GFRAL: variants seen among roughly 807,000 people sequenced by gnomAD.
GFRAL encodes GDNF family receptor alpha like, also known as GDNF family receptor alpha-like.
A neutral mutation model predicts 45.4 loss-of-function variants in GFRAL; 36 were observed. The observed-to-expected ratio is 0.79, with a 90% CI of 0.61 to 1.05. The LOEUF is 1.05. GFRAL is among the 50% of genes least tolerant of loss of function. The pLI is 0.00. For synonymous variants in GFRAL, 166 were observed against 154.1 expected (o/e 1.08, Z -0.57); for missense variants, 507 against 467.5 (o/e 1.08, Z -0.78).
intron 3 of GFRAL, among the ~76,000 whole-genome samples, chr6:55,346,884 A>C (rs1295072343): frequency 7.0e-6 from 1 of 142,752 alleles, no homozygotes; most frequent in African/African-American, 2.5e-5. Flanking sequence ...GAAAAATATC[A>C]CCAAAAGAAA....
intron 6 of GFRAL, among the ~76,000 whole-genome samples, chr6:55,376,254 G>A (rs992075947): frequency 6.6e-6 from 1 of 152,010 alleles, no homozygotes; most frequent in Non-Finnish European, 1.5e-5. Flanking sequence ...GCTGGATTCG[G>A]TTTGCCAATA....
At chr6:55,376,938 G>A (rs1431894775) in intron 6 of GFRAL, among the ~76,000 whole-genome samples, 1 of 151,880 alleles carries the variant, frequency 6.6e-6, no homozygotes, top group Non-Finnish European at 1.5e-5. Context: ...GGACCTACAA[G>A]TAGTCGGCTT....
chr6:55,397,447 A>G (rs968701733), intron 6 of GFRAL, among the ~76,000 whole-genome samples: 1 of 135,986 alleles, frequency 7.4e-6, no homozygotes, highest in Non-Finnish European at 1.5e-5. Flanking sequence ...GAACCCGGGA[A>G]GCGGAGCTTG....
At chr6:55,398,659 T>C (rs79124494) in intron 6 of GFRAL, among the ~76,000 whole-genome samples, 6,546 of 152,218 alleles carry the variant, frequency 0.043, 205 homozygotes, top group African/African-American at 0.074. Context: ...CTCAGAAACA[T>C]GGCCAAGAAG....
Position 55,365,678 on chromosome 6 carries a change from T to G in GFRAL, c.952+6540T>G, listed in dbSNP as rs1438770377. On this transcript the variant is annotated intron_variant, in intron 6 of 8. Coordinates refer to ENST00000340465, the MANE Select transcript of GFRAL (RefSeq NM_207410.2). ...TTGTTGAATTTTGTCAAAGGCTTTT[T>G]CTGCATCTATTGAGATAATCATGTG... Among the ~76,000 whole-genome samples the G allele has an allele frequency of 3.4e-5, 5 of 145,246 alleles. No homozygotes were observed. The Admixed American group carries it at 3.5e-4, about 10-fold the overall frequency.
chr6:55,366,195 C>G (rs1768360192), intron 6 of GFRAL, among the ~76,000 whole-genome samples: 1 of 151,676 alleles, frequency 6.6e-6, no homozygotes, highest in South Asian at 2.1e-4. Flanking sequence ...AGGAATTTAT[C>G]CATTTCTTCT....
At chr6:55,398,385 G>A (rs1264245011) in intron 6 of GFRAL, among the ~76,000 whole-genome samples, 1 of 151,952 alleles carries the variant, frequency 6.6e-6, no homozygotes, top group East Asian at 1.9e-4. Context: ...TACATAAATT[G>A]GTTACTAAAC....
chr6:55,383,361 A>G (rs1768637501), intron 6 of GFRAL, among the ~76,000 whole-genome samples: 2 of 152,034 alleles, frequency 1.3e-5, no homozygotes, highest in Non-Finnish European at 2.9e-5. Context: ...TGCACTGCAT[A>G]ATGATGTTTC....
chr6:55,385,618 T>C (rs1768669025), intron 6 of GFRAL, among the ~76,000 whole-genome samples: 1 of 152,086 alleles, frequency 6.6e-6, no homozygotes, highest in Non-Finnish European at 1.5e-5. Flanking sequence ...CCAGAAGCTG[T>C]GATTTTATTC....
chr6:55,380,504 C>A (rs973645129), intron 6 of GFRAL, among the ~76,000 whole-genome samples: 1 of 151,902 alleles, frequency 6.6e-6, no homozygotes, highest in Non-Finnish European at 1.5e-5. Flanking sequence ...AGTTCAGCAA[C>A]ATGTATTTAA....
chr6:55,377,893 C>T (rs1768556043), intron 6 of GFRAL, among the ~76,000 whole-genome samples: 1 of 151,970 alleles, frequency 6.6e-6, no homozygotes, highest in Non-Finnish European at 1.5e-5. Flanking sequence ...GATGGGGTGT[C>T]AAGAGTCAGT....
intron 3 of GFRAL, among the ~76,000 whole-genome samples, chr6:55,345,006 G>A (rs1329819342): frequency 1.3e-5 from 2 of 152,146 alleles, no homozygotes; most frequent in African/African-American, 2.4e-5. Context: ...ACCTCTTCAA[G>A]GAGGACTACA....
At chr6:55,359,318 A>C (rs1211870162) in intron 6 of GFRAL, among the ~76,000 whole-genome samples, 180 bp downstream of exon 6, 1 of 151,978 alleles carries the variant, frequency 6.6e-6, no homozygotes, top group Non-Finnish European at 1.5e-5. Flanking sequence ...TATTTTACTC[A>C]CTTACTTGAA....
intron 5 of GFRAL, among the ~76,000 whole-genome samples, chr6:55,352,578 A>G (rs1768132211): frequency 6.6e-6 from 1 of 152,096 alleles, no homozygotes; most frequent in African/African-American, 2.4e-5. Flanking sequence ...CGATAGTGGA[A>G]GAGTATGCTT....
At chr6:55,352,100 T>C (rs1768126031) in intron 5 of GFRAL, among the ~76,000 whole-genome samples, 3 of 152,154 alleles carry the variant, frequency 2.0e-5, no homozygotes, top group South Asian at 4.1e-4. Flanking sequence ...CTTTTCACAA[T>C]GTCAGGCTTT....
At chr6:55,358,765 C>G in intron 5 of GFRAL, 123 bp from the exon 6 acceptor site, 1 of 807,422 alleles carries the variant, frequency 1.2e-6, no homozygotes, top group Non-Finnish European at 1.9e-6. Flanking sequence ...ATTTACTTTT[C>G]AACTATGTAC....
At chr6:55,385,031 C>T (rs1280308422) in intron 6 of GFRAL, among the ~76,000 whole-genome samples, 2 of 152,044 alleles carry the variant, frequency 1.3e-5, no homozygotes, top group Non-Finnish European at 2.9e-5. Flanking sequence ...TTTGCTGTCA[C>T]TTCTGATGGA....
intron 2 of GFRAL, among the ~76,000 whole-genome samples, chr6:55,332,253 G>T (rs1261087481): frequency 6.6e-6 from 1 of 152,022 alleles, no homozygotes; most frequent in East Asian, 1.9e-4. Context: ...CATGCACAAT[G>T]TACAATGTAT....
chr6:55,364,466 T>G (rs373304310), intron 6 of GFRAL, among the ~76,000 whole-genome samples: 31 of 145,550 alleles, frequency 2.1e-4, no homozygotes, highest in East Asian at 5.8e-4. Flanking sequence ...GTCAATTTTG[T>G]CTTTTGTTGC....
Sources: allele counts gnomAD v4.1 joint callset (sites outside exome capture counted in the v4.1 genomes callset), GRCh38; gene constraint gnomAD v4.1.1; transcripts MANE v1.5; gene names NCBI Gene and HGNC (gene_info 2026-07-23, HGNC 2026-07-21).